Variants in DIAPH2 observed in about 807,000 individuals in gnomAD.
The protein encoded by DIAPH2 is diaphanous related formin 2, also known as protein diaphanous homolog 2.
A neutral mutation model predicts 92.7 loss-of-function variants in DIAPH2; 35 were observed. The ratio of observed to expected loss-of-function variants is 0.38; its 90% CI spans 0.29 to 0.50. The LOEUF is 0.50. DIAPH2 is among the 20% of genes least tolerant of loss of function. DIAPH2 has a pLI of 0.94. For synonymous variants in DIAPH2, 301 were observed against 280.4 expected (o/e 1.07, Z -0.73); for missense variants, 701 against 819.5 (o/e 0.86, Z 1.77).
intron 4 of DIAPH2, among the ~76,000 whole-genome samples, chrX:96,853,896 C>T (rs1358784515): frequency 6.3e-5 from 7 of 111,582 alleles, no homozygotes; most frequent in African/African-American, 1.9e-4. Context: ...ACTGTGCATA[C>T]GCTAGATTTA....
chrX:96,869,595 A>ACTACTAC (rs1569416391), intron 4 of DIAPH2, among the ~76,000 whole-genome samples: 5 of 78,047 alleles, frequency 6.4e-5, no homozygotes, highest in East Asian at 4.8e-4. Flanking sequence ...ACTACTACTA[A>ACTACTAC]TACTAGTCTC....
At chrX:97,206,126 G>A (rs1275158418) in intron 22 of DIAPH2, among the ~76,000 whole-genome samples, 1 of 110,759 alleles carries the variant, frequency 9.0e-6, no homozygotes, top group Admixed American at 9.7e-5. Flanking sequence ...GATACAGGGA[G>A]GGGACCAACA....
chrX:97,021,586 A>G (rs895801944), intron 17 of DIAPH2, among the ~76,000 whole-genome samples: 1 of 112,255 alleles, frequency 8.9e-6, no homozygotes, highest in Non-Finnish European at 1.9e-5. Flanking sequence ...CCTAAAGAGC[A>G]AAGAATATAA....
In DIAPH2 at chrX:97,162,475, T is replaced by C. The variant is rs1304684721; in HGVS notation, c.2719+20681T>C. On this transcript the variant is annotated intron_variant, in intron 22 of 26. Transcript: ENST00000324765. ...TTTTCTGTTTTTATTGAGGTTTTAT[T>C]ATTGTAGTATCTATATTTTTCCTCT... Among the ~76,000 whole-genome samples the C allele has an allele frequency of 5.4e-5, 6 of 111,688 alleles. No individual in the cohort carries two copies. The Admixed American group carries it at 5.7e-4, about 11-fold the overall frequency.
chrX:97,461,944 T>C (rs771447095), intron 26 of DIAPH2, among the ~76,000 whole-genome samples: 5 of 111,804 alleles, frequency 4.5e-5, no homozygotes, highest in Non-Finnish European at 9.4e-5. Context: ...CTTCAAATTA[T>C]TAATAATTTC....
At chrX:97,420,143 A>G (rs756891363) in intron 25 of DIAPH2, among the ~76,000 whole-genome samples, 1 of 111,921 alleles carries the variant, frequency 8.9e-6, no homozygotes, top group Admixed American at 9.5e-5. Flanking sequence ...AAAATGAATA[A>G]GCATAAACAT....
At chrX:97,024,601 G>C (rs1030871294) in intron 17 of DIAPH2, among the ~76,000 whole-genome samples, 17 of 111,835 alleles carry the variant, frequency 1.5e-4, no homozygotes, top group African/African-American at 5.2e-4. Context: ...CATAAATTTT[G>C]TCATAGCTAT....
At chrX:96,978,000 A>G (rs771437523) in intron 17 of DIAPH2, among the ~76,000 whole-genome samples, 1 of 112,264 alleles carries the variant, frequency 8.9e-6, no homozygotes, top group South Asian at 3.7e-4. Flanking sequence ...TTAGTTTTAT[A>G]TTGGCAAATA....
At chrX:97,467,102 G>A (rs1253382603) in intron 26 of DIAPH2, among the ~76,000 whole-genome samples, 2 of 112,025 alleles carry the variant, frequency 1.8e-5, no homozygotes, top group Non-Finnish European at 3.8e-5. Context: ...CAAATTCTAT[G>A]TAAGTAGTAT....
intron 22 of DIAPH2, among the ~76,000 whole-genome samples, chrX:97,145,593 C>G (rs2067241011): frequency 9.1e-6 from 1 of 109,925 alleles, no homozygotes; most frequent in South Asian, 3.9e-4. Flanking sequence ...TCTCTCTGCT[C>G]TATTTTGATC....
chrX:97,280,161 C>T (rs775748148), intron 23 of DIAPH2, among the ~76,000 whole-genome samples: 2 of 111,043 alleles, frequency 1.8e-5, no homozygotes, highest in African/African-American at 3.3e-5. Context: ...AATTAAGGAC[C>T]GGCATGGAGA....
At chrX:97,516,062 G>A (rs1344865275) in intron 26 of DIAPH2, among the ~76,000 whole-genome samples, 1 of 110,571 alleles carries the variant, frequency 9.0e-6, no homozygotes, top group Non-Finnish European at 1.9e-5. Context: ...GATCAGCCTG[G>A]CCAGTATGGT....
At chrX:97,406,649 A>T (rs1319440288) in intron 25 of DIAPH2, among the ~76,000 whole-genome samples, 1 of 111,901 alleles carries the variant, frequency 8.9e-6, no homozygotes, top group African/African-American at 3.2e-5. Flanking sequence ...AATTTCCCCT[A>T]TACTAAAAAT....
chrX:97,386,106 A>G (rs770317377), intron 25 of DIAPH2, among the ~76,000 whole-genome samples: 2 of 112,671 alleles, frequency 1.8e-5, no homozygotes, highest in Admixed American at 1.9e-4. Flanking sequence ...TTTAAAATAT[A>G]TAAACATTTT....
At chrX:96,787,572 T>C (rs1356381457) in intron 4 of DIAPH2, among the ~76,000 whole-genome samples, 1 of 110,894 alleles carries the variant, frequency 9.0e-6, no homozygotes, top group Non-Finnish European at 1.9e-5. Context: ...TGTTGAGAAC[T>C]TTTTCTAATG....
intron 23 of DIAPH2, among the ~76,000 whole-genome samples, chrX:97,313,578 T>C (rs1284995994): frequency 9.0e-6 from 1 of 111,707 alleles, no homozygotes. Context: ...TTTGGAAAGA[T>C]TGTCTTTATG....
chrX:97,598,005 G>C (rs1302538276), intron 26 of DIAPH2, among the ~76,000 whole-genome samples: 1 of 111,306 alleles, frequency 9.0e-6, no homozygotes, highest in South Asian at 3.8e-4. Context: ...ATGGAGGCCC[G>C]TTAGCTTTGC....
At chrX:96,926,810 T>C (rs184042512) in intron 9 of DIAPH2, among the ~76,000 whole-genome samples, 136 of 111,694 alleles carry the variant, frequency 1.2e-3, no homozygotes, top group Non-Finnish European at 1.1e-3. Flanking sequence ...TTGTATTTAC[T>C]AATTAAACAT....
intron 24 of DIAPH2, among the ~76,000 whole-genome samples, chrX:97,366,992 T>C (rs1334280038): frequency 1.8e-5 from 2 of 111,769 alleles, no homozygotes; most frequent in Non-Finnish European, 3.8e-5. Flanking sequence ...AGAAGTCAAG[T>C]CTAACACATG....
Sources: allele counts gnomAD v4.1 joint callset (sites outside exome capture counted in the v4.1 genomes callset), GRCh38; gene constraint gnomAD v4.1.1; transcripts MANE v1.5; gene names NCBI Gene and HGNC (gene_info 2026-07-23, HGNC 2026-07-21).